Variants in MCM6 observed in about 807,000 individuals in gnomAD.
MCM6 encodes the protein DNA replication licensing factor MCM6.
MCM6 carries 46 observed loss-of-function variants against 94.3 expected under a neutral mutation model. That is an observed-to-expected ratio of 0.49 (90% CI 0.39 to 0.62). The LOEUF (loss-of-function observed/expected upper bound fraction) is 0.62, where lower values mean the gene tolerates loss of function less well. Among genes scored for constraint, MCM6 ranks in the 20% least tolerant of loss-of-function variants. The pLI, the probability that MCM6 is intolerant of heterozygous loss-of-function variation, is 0.00. For synonymous variants in MCM6, 335 were observed against 351.9 expected, an observed-to-expected ratio of 0.95 and a Z score of 0.54; for missense variants, 865 against 1,017.9, an observed-to-expected ratio of 0.85 and a Z score of 2.04.
At chr2:135,861,330 T>C (rs562407748) in intron 8 of MCM6, among the ~76,000 whole-genome samples, 1 of 152,114 alleles carries the variant, frequency 6.6e-6, no homozygotes, top group South Asian at 2.1e-4. Context: ...TGGGCAAATT[T>C]CTTGTAGGCT....
At chr2:135,864,935 C>T (rs1575365958) in intron 7 of MCM6, 78 bp downstream of exon 7, 3 of 1,154,564 alleles carry the variant, frequency 2.6e-6, no homozygotes, top group Admixed American at 5.9e-5. Flanking sequence ...GATTTATGTG[C>T]TTTCAGAAAT....
In MCM6 at chr2:135,848,834, G is replaced by A. The variant is rs181100005; in HGVS notation, c.1918-646C>T. Among the ~76,000 whole-genome samples the A allele has an allele frequency of 9.2e-5, 14 of 152,164 alleles. 1 individual carries two copies. In the East Asian group the frequency reaches 1.7e-3, roughly 19 times the overall value. On this transcript the variant is annotated intron_variant, in intron 13 of 16. Transcript: ENST00000264156. ...TGGGAGGCAGAGGTTGCAGTGAGCC[G>A]AGATTGTGACACTGCACTCCAGCCT...
rs1679802563 is a variant in MCM6, at chr2:135,852,865, A to G, written c.1677T>C (p.Ile559=). 8 of 1,611,062 alleles carry G rather than the reference A, an allele frequency of 5.0e-6. No homozygotes were observed. The highest frequency in any genetic ancestry group is 3.3e-5 in the South Asian group (3 of 90,634). The change falls in exon 12 of 17, where the codon ATT becomes ATC. Residue 559 remains isoleucine, a synonymous_variant. Coordinates refer to ENST00000264156, the MANE Select transcript of MCM6 (RefSeq NM_005915.6). ...AATAGACACGATCAATTGATTCCTC[A>G]ATTCTTGAATGCAAATCTACTATGC... The part of the protein sequence containing the change: ...ARRIVDLHSR[I]EESIDRVYSL...
At chr2:135,861,480 T>C (rs1488705366) in intron 8 of MCM6, among the ~76,000 whole-genome samples, 3 of 152,188 alleles carry the variant, frequency 2.0e-5, no homozygotes, top group Non-Finnish European at 4.4e-5. Flanking sequence ...TTTTGGGCCC[T>C]AAGTTTCTTA....
chr2:135,870,810 G>A (rs4954513), intron 2 of MCM6, among the ~76,000 whole-genome samples: 26,238 of 152,108 alleles, frequency 0.17, 2,774 homozygotes, highest in South Asian at 0.34. Flanking sequence ...GCAGTGGCAC[G>A]ATCACAGCTC....
rs1269264096 is a variant in MCM6 at position 135,839,933 on chromosome 2, CT to C, written c.*901del. The C allele has an allele frequency of 6.6e-6, 1 of 152,134 alleles. No homozygotes were observed. The highest frequency in any genetic ancestry group is 1.9e-4 in the East Asian group (1 of 5,194). The allele number at this position is 152,134 out of a possible 1,614,324, so 9.4% of individuals were successfully genotyped here. Reference sequence around the variant, plus strand: ...TTTTGCTTTTGTGACCTTTAACATACTTTGTGATTTAATGAATGCCATCTGT... The same window carrying C: ...TTTTGCTTTTGTGACCTTTAACATACTTGTGATTTAATGAATGCCATCTGT... On this transcript the variant is annotated 3_prime_UTR_variant, in exon 17 of 17. Coordinates refer to ENST00000264156, the MANE Select transcript of MCM6 (RefSeq NM_005915.6).
chr2:135,854,959 A>C (rs1679846155), intron 11 of MCM6, among the ~76,000 whole-genome samples: 2 of 152,192 alleles, frequency 1.3e-5, no homozygotes, highest in African/African-American at 4.8e-5. Flanking sequence ...GTTTGAGACC[A>C]GCCTGGCCAA....
At chr2:135,869,596 A>C (rs150598934) in intron 3 of MCM6, among the ~76,000 whole-genome samples, 32 of 152,264 alleles carry the variant, frequency 2.1e-4, no homozygotes, top group Middle Eastern at 3.4e-3. Context: ...GTAATTTTAT[A>C]ATTTCAGTAG....
chr2:135,852,787 C>A lies in MCM6; in HGVS notation c.1755G>T (p.Lys585Asn). ...ATCCCAGTACAAAAGGGTAGGTTAC[C>A]TTGGGTTTAAACTGTCTTGCAAAGA... Reference protein sequence around the residue: ...YLLFARQFKPKISKESEDFIV... With the variant: ...YLLFARQFKPNISKESEDFIV... The change falls in exon 12 of 17, where the codon AAG (lysine) becomes AAT (asparagine). Residue 585 changes from lysine (K) to asparagine (N), a missense_variant and splice_region_variant. Coordinates refer to ENST00000264156, the MANE Select transcript of MCM6 (RefSeq NM_005915.6). The A allele has an allele frequency of 2.5e-6, 4 of 1,573,818 alleles. No homozygotes were observed. Among genetic ancestry groups the A allele is most frequent in the Non-Finnish European group, 3.4e-6 (4 of 1,162,146 alleles).
rs1304227684 is a variant in MCM6, at chr2:135,839,693, C to A, written c.*1142G>T. 2 of 152,120 alleles carry A rather than the reference C, an allele frequency of 1.3e-5. No individual in the cohort carries two copies. The highest frequency in any genetic ancestry group is 4.8e-5 in the African/African-American group (2 of 41,416). The allele number at this position is 152,120 out of a possible 1,614,324, so 9.4% of individuals were successfully genotyped here. ...TACATACTTGTGGAGTACATTTTGA[C>A]AAGGTTTCATACAAGTTGATTCCAG... is the stretch of plus-strand genomic sequence containing the variant. On this transcript the variant is annotated 3_prime_UTR_variant, in exon 17 of 17. Coordinates refer to ENST00000264156, the MANE Select transcript of MCM6 (RefSeq NM_005915.6).
In MCM6 at chr2:135,872,861, T is replaced by G. The variant is rs370243271; in HGVS notation, c.108-18A>C. 245 of 1,612,832 alleles carry G rather than the reference T, an allele frequency of 1.5e-4. No individual in the cohort carries two copies. The highest frequency in any genetic ancestry group is 2.1e-4 in the Non-Finnish European group (242 of 1,179,496). On this transcript the variant is annotated intron_variant, in intron 1 of 16. Coordinates refer to ENST00000264156, the MANE Select transcript of MCM6 (RefSeq NM_005915.6). ...TCTGAAACCTGCAGGTACATTCGAGTCAACTAGATTAAGGACACAGGCAGT... is the reference window on the plus strand; with the variant it reads ...TCTGAAACCTGCAGGTACATTCGAGGCAACTAGATTAAGGACACAGGCAGT...
chr2:135,870,580 A>G (rs1334663409), intron 2 of MCM6, among the ~76,000 whole-genome samples: 1 of 152,230 alleles, frequency 6.6e-6, no homozygotes, highest in Admixed American at 6.5e-5. Context: ...GTCATACCAT[A>G]CCTGATTATC....
chr2:135,872,032 A>G (rs1680210803), intron 2 of MCM6, among the ~76,000 whole-genome samples: 1 of 152,222 alleles, frequency 6.6e-6, no homozygotes, highest in Non-Finnish European at 1.5e-5. Context: ...ACCCACACAA[A>G]CACCTATTCC....
chr2:135,864,432 TTCAGCCTAGACAACATAGCA>T (rs550808220), intron 7 of MCM6, among the ~76,000 whole-genome samples: 1 of 152,156 alleles, frequency 6.6e-6, no homozygotes, highest in East Asian at 1.9e-4. Context: ...GAGGGAGTGC[TTCAGCCTAGACAACATAGCA>T]AAACCCCGTC....
intron 6 of MCM6, 98 bp downstream of exon 6, chr2:135,866,034 G>A: frequency 7.5e-7 from 1 of 1,329,674 alleles, no homozygotes; most frequent in Non-Finnish European, 1.0e-6. Flanking sequence ...CCCAGAAAGT[G>A]GAGGCTACAG....
At chr2:135,875,088 G>C (rs918723820) in intron 1 of MCM6, among the ~76,000 whole-genome samples, 2 of 152,166 alleles carry the variant, frequency 1.3e-5, no homozygotes, top group Non-Finnish European at 2.9e-5. Context: ...AAAGAGTTTG[G>C]AGCCGGACAC....
Position 135,870,345 on chromosome 2 carries a change from A to G in MCM6, c.271T>C (p.Cys91Arg), listed in dbSNP as rs756125742. The change falls in exon 3 of 17, where the codon TGT (cysteine) becomes CGT (arginine). Residue 91 changes from cysteine (C) to arginine (R), a missense_variant. This residue lies in a region of MCM6 where 404 missense variants were observed against 451.9 expected (regional missense o/e 0.89). Transcript: ENST00000264156. Reference protein sequence around the residue: ...EEFYRVYPYLCRALKTFVKDR... With the variant: ...EEFYRVYPYLRRALKTFVKDR... ...TTGACGAATGTTTTCAAGGCCCGAC[A>G]CAGGTAAGGGTAAACTCTGAAAAAC... 3 of 1,613,836 alleles carry G rather than the reference A, an allele frequency of 1.9e-6. No individual in the cohort carries two copies. Among genetic ancestry groups the G allele is most frequent in the Non-Finnish European group, 8.5e-7 (1 of 1,179,850 alleles).
At chr2:135,859,248 T>C in intron 9 of MCM6, 53 bp downstream of exon 9, 3 of 1,439,936 alleles carry the variant, frequency 2.1e-6, no homozygotes, top group South Asian at 1.3e-5. Context: ...CCTTTACTGA[T>C]AGGGTAGGGG....
chr2:135,857,519 A>C (rs4988208), intron 10 of MCM6, among the ~76,000 whole-genome samples: 113 of 152,292 alleles, frequency 7.4e-4, no homozygotes, highest in Non-Finnish European at 1.4e-3. Flanking sequence ...TAGCTTTTAA[A>C]GTTTAGATTC....
Sources: gnomAD v4.1 joint callset for allele counts (sites outside exome capture counted in the v4.1 genomes callset) on GRCh38, gnomAD v4.1.1 for gene constraint, gnomAD v4.1.1 regional missense constraint, MANE v1.5 for transcripts, NCBI Gene and HGNC (gene_info 2026-07-23, HGNC 2026-07-21) for gene names.